ST3GAL2: variants seen among roughly 807,000 people sequenced by gnomAD.
ST3GAL2 encodes the protein ST3 beta-galactoside alpha-2,3-sialyltransferase 2, also known as CMP-N-acetylneuraminate-beta-galactosamide-alpha-2,3-sialyltransferase 2.
ST3GAL2 carries 16 observed loss-of-function variants against 37.5 expected under a neutral mutation model. That is an observed-to-expected ratio of 0.43 (90% CI 0.29 to 0.65). The LOEUF (loss-of-function observed/expected upper bound fraction) is 0.65. ST3GAL2 is among the 30% of genes least tolerant of loss of function. The pLI, the probability that ST3GAL2 is intolerant of heterozygous loss-of-function variation, is 0.17. For missense variants in ST3GAL2, 383 were observed against 487.8 expected, an observed-to-expected ratio of 0.79 and a Z score of 2.02; for synonymous variants, 238 against 202.9, an observed-to-expected ratio of 1.17 and a Z score of -1.47.
chr16:70,386,489 C>T (rs2047444693), intron 4 of ST3GAL2, among the ~76,000 whole-genome samples: 1 of 151,934 alleles, frequency 6.6e-6, no homozygotes, highest in Admixed American at 6.6e-5. Context: ...CCACGCCTGG[C>T]CGGCCACACC....
intron 2 of ST3GAL2, 142 bp downstream of exon 2, chr16:70,398,050 C>T: frequency 2.3e-6 from 2 of 870,050 alleles, no homozygotes; most frequent in Non-Finnish European, 3.5e-6. Flanking sequence ...GCTTGCTCTG[C>T]CCTTCAGTAA....
chr16:70,385,728 G>A (rs1180525115), intron 4 of ST3GAL2, among the ~76,000 whole-genome samples: 2 of 123,600 alleles, frequency 1.6e-5, no homozygotes, highest in Non-Finnish European at 3.2e-5. Flanking sequence ...TTTTGAGGCA[G>A]AGCCCTGCTT....
rs1383627002 is a variant in ST3GAL2 at position 70,380,153 on chromosome 16, A to AC, written c.*1535dup. On this transcript the variant is annotated 3_prime_UTR_variant, in exon 7 of 7. Coordinates refer to ENST00000342907, the MANE Select transcript of ST3GAL2 (RefSeq NM_006927.4). ...GCATTCTACTAACCCCACCCCAATC[A>AC]CCCCTATTTTTACTCTTTCTACTTT... 7 of 151,924 alleles carry AC rather than the reference A, an allele frequency of 4.6e-5. No individual in the cohort carries two copies. The highest frequency in any genetic ancestry group is 1.3e-4 in the Admixed American group (2 of 15,258). The allele number at this position is 151,924 out of a possible 1,614,324, so 9.4% of individuals were successfully genotyped here. A position where few individuals can be genotyped will look rare whatever the true frequency, so the allele number is the denominator to read the frequency against.
At chr16:70,407,905 C>A (rs1388226704) in intron 1 of ST3GAL2, among the ~76,000 whole-genome samples, 2 of 152,136 alleles carry the variant, frequency 1.3e-5, no homozygotes, top group African/African-American at 4.8e-5. Flanking sequence ...ACCTTCTTGG[C>A]ATGCAGAGAA....
chr16:70,424,866 G>C (rs988394665), intron 1 of ST3GAL2, among the ~76,000 whole-genome samples: 5 of 152,126 alleles, frequency 3.3e-5, no homozygotes, highest in African/African-American at 1.2e-4. Flanking sequence ...CTTCGTCTCA[G>C]CATCTCTTTT....
intron 1 of ST3GAL2, among the ~76,000 whole-genome samples, chr16:70,432,945 TAG>T (rs1567679085): frequency 6.6e-6 from 1 of 151,900 alleles, no homozygotes; most frequent in African/African-American, 2.4e-5. Flanking sequence ...GTCCACCACA[TAG>T]AGAGCCTCTG....
chr16:70,436,665 T>C (rs2047827625), intron 1 of ST3GAL2, among the ~76,000 whole-genome samples: 2 of 151,960 alleles, frequency 1.3e-5, no homozygotes, highest in South Asian at 4.2e-4. Context: ...CAGGAGACTA[T>C]GACTCTCAGT....
intron 1 of ST3GAL2, among the ~76,000 whole-genome samples, chr16:70,435,522 C>T (rs906273929): frequency 4.0e-5 from 6 of 151,732 alleles, no homozygotes; most frequent in African/African-American, 9.7e-5. Flanking sequence ...TACTTGAACC[C>T]GGGAGGTGGA....
intron 2 of ST3GAL2, 65 bp downstream of exon 2, chr16:70,398,127 A>C (rs969316066): frequency 1.9e-6 from 3 of 1,540,170 alleles, no homozygotes; most frequent in Non-Finnish European, 2.6e-6. Flanking sequence ...CAGAAATCCA[A>C]GAGGGGGCTC....
intron 1 of ST3GAL2, among the ~76,000 whole-genome samples, chr16:70,404,160 G>A (rs1225192737): frequency 6.6e-6 from 1 of 152,110 alleles, no homozygotes; most frequent in African/African-American, 2.4e-5. Flanking sequence ...AAAGATCTAG[G>A]GAGGGTCTAC....
chr16:70,388,500 G>A lies in ST3GAL2; in HGVS notation c.580C>T (p.Arg194Ter), dbSNP rs2047458313. The change falls in exon 4 of 7, where the codon CGA becomes TGA. Residue 194 changes from arginine (R) to a stop codon, truncating the protein, a stop_gained. Transcript: ENST00000342907. LOFTEE classifies it high-confidence loss of function. ...TVGFEQDVGS[R>*]TTHHFMYPES... is the part of the protein sequence containing the mutation. ...GGGTACATGAAATGGTGGGTGGTTC[G>A]GCTGCCAACATCCTGCTCAAAGCCC... 6 of 1,612,856 alleles carry A rather than the reference G, an allele frequency of 3.7e-6. No individual in the cohort carries two copies. The highest frequency in any genetic ancestry group is 5.1e-6 in the Non-Finnish European group (6 of 1,179,238).
intron 1 of ST3GAL2, chr16:70,400,367 A>G (rs571665986): frequency 6.5e-6 from 1 of 152,710 alleles, no homozygotes; most frequent in East Asian, 1.9e-4. Flanking sequence ...ACCCCTGAGC[A>G]CTGGCTGTGT....
Position 70,379,998 on chromosome 16 carries a change from T to A in ST3GAL2, c.*1691A>T, listed in dbSNP as rs1332389459. On this transcript the variant is annotated 3_prime_UTR_variant, in exon 7 of 7. Coordinates refer to ENST00000342907, the MANE Select transcript of ST3GAL2 (RefSeq NM_006927.4). ...ATAAATTATTCTGCTCAATACTGTT[T>A]GGCATAATTGCATTGCTTTTCATCA... 1.3e-5 allele frequency: 2 copies of A among 152,190 alleles called. No individual in the cohort carries two copies. Among genetic ancestry groups the A allele is most frequent in the Non-Finnish European group, 2.9e-5 (2 of 68,048 alleles). 9.4% of individuals were successfully genotyped at this position (152,190 alleles called of 1,614,324 possible).
At chr16:70,417,299 A>G (rs1414858212) in intron 1 of ST3GAL2, among the ~76,000 whole-genome samples, 1 of 135,338 alleles carries the variant, frequency 7.4e-6, no homozygotes, top group Non-Finnish European at 1.6e-5. Flanking sequence ...CCCCAGCCCC[A>G]CCCCACCTTC....
At chr16:70,387,869 C>A (rs889224320) in intron 4 of ST3GAL2, among the ~76,000 whole-genome samples, 3 of 152,084 alleles carry the variant, frequency 2.0e-5, no homozygotes, top group Admixed American at 6.6e-5. Flanking sequence ...AATCCCAGCA[C>A]TTTGGGAGCC....
intron 1 of ST3GAL2, among the ~76,000 whole-genome samples, chr16:70,430,177 C>T (rs1045684177): frequency 2.0e-5 from 3 of 152,244 alleles, no homozygotes; most frequent in Admixed American, 1.3e-4. Flanking sequence ...ACTTTGTCTG[C>T]ACAGCATTAG....
chr16:70,430,938 T>G (rs933430389), intron 1 of ST3GAL2, among the ~76,000 whole-genome samples: 2 of 152,156 alleles, frequency 1.3e-5, no homozygotes, highest in Non-Finnish European at 2.9e-5. Flanking sequence ...TCCAATTCAC[T>G]GCCTGCATCA....
At chr16:70,401,514 G>C (rs1272440991) in intron 1 of ST3GAL2, among the ~76,000 whole-genome samples, 2 of 152,050 alleles carry the variant, frequency 1.3e-5, no homozygotes, top group East Asian at 3.9e-4. Flanking sequence ...TGGAGCCATG[G>C]GGAGGAGCTA....
intron 2 of ST3GAL2, among the ~76,000 whole-genome samples, chr16:70,396,831 C>A (rs2047519438): frequency 6.6e-6 from 1 of 152,088 alleles, no homozygotes; most frequent in Non-Finnish European, 1.5e-5. Flanking sequence ...TGGGGAGTGA[C>A]ACTCCAGAGC....
Sources: gnomAD v4.1 joint callset for allele counts (sites outside exome capture counted in the v4.1 genomes callset) on GRCh38, gnomAD v4.1.1 for gene constraint, MANE v1.5 for transcripts, NCBI Gene and HGNC (gene_info 2026-07-23, HGNC 2026-07-21) for gene names.